Variants in SCN8A observed in about 807,000 individuals in gnomAD.
The protein encoded by SCN8A is sodium voltage-gated channel alpha subunit 8, also known as sodium channel protein type 8 subunit alpha.
Under a neutral mutation model 184.1 loss-of-function variants are expected in SCN8A, and 30 were observed. The observed-to-expected ratio is 0.16, with a 90% CI of 0.12 to 0.22. The LOEUF (loss-of-function observed/expected upper bound fraction) is 0.22. SCN8A is among the 10% of genes least tolerant of loss of function. The probability of loss-of-function intolerance (pLI) is 1.00; values close to 1 mark genes in which losing one functional copy is unlikely to be tolerated. For missense variants in SCN8A, 1,057 were observed against 2,498.9 expected (o/e 0.42, Z 12.30); for synonymous variants, 852 against 907.0 (o/e 0.94, Z 1.09).
intron 1 of SCN8A, among the ~76,000 whole-genome samples, chr12:51,618,458 AAC>A (rs56163627): frequency 0.057 from 7,845 of 138,650 alleles, 230 homozygotes; most frequent in South Asian, 0.099. Flanking sequence ...ATACCAGAGC[AAC>A]ACACACACAC....
Position 51,802,480 on chromosome 12 carries a change from G to T in SCN8A, c.4796-3802G>T, listed in dbSNP as rs80237495. On this transcript the variant is annotated intron_variant, in intron 26 of 26. Transcript: ENST00000627620. ...CCTCACTTTAACAATAGATACCTAG[G>T]GAGGCTACGCATGCACCTTTCCTTG... Among the ~76,000 whole-genome samples the T allele has an allele frequency of 5.9e-5, 9 of 152,276 alleles. No homozygotes were observed. The East Asian group carries it at 1.7e-3, about 29-fold the overall frequency.
intron 12 of SCN8A, among the ~76,000 whole-genome samples, chr12:51,735,009 A>G (rs559704640): frequency 6.6e-6 from 1 of 152,318 alleles, no homozygotes; most frequent in East Asian, 1.9e-4. Flanking sequence ...TCCAAAGGCA[A>G]GTTTGTAGAG....
intron 2 of SCN8A, among the ~76,000 whole-genome samples, chr12:51,682,420 C>T (rs1463344791): frequency 2.0e-5 from 3 of 152,038 alleles, no homozygotes; most frequent in East Asian, 1.9e-4. Context: ...TCAGCAAAAC[C>T]GTCTGGTCCT....
intron 11 of SCN8A, among the ~76,000 whole-genome samples, chr12:51,720,075 C>CAAAAA (rs397944526): frequency 2.3e-5 from 2 of 85,414 alleles, no homozygotes; most frequent in Non-Finnish European, 4.2e-5. Flanking sequence ...GACTCCGTCT[C>CAAAAA]AAAAAAAAAA....
intron 1 of SCN8A, among the ~76,000 whole-genome samples, chr12:51,621,446 A>G (rs1939960202): frequency 6.6e-6 from 1 of 152,220 alleles, no homozygotes; most frequent in Non-Finnish European, 1.5e-5. Flanking sequence ...GCATTTAGAA[A>G]TACAAAGTGC....
chr12:51,799,619 G>T (rs895857653), intron 26 of SCN8A, among the ~76,000 whole-genome samples: 1 of 152,188 alleles, frequency 6.6e-6, no homozygotes, highest in Non-Finnish European at 1.5e-5. Flanking sequence ...TAGCCCAAGT[G>T]GCAGAGCAGC....
intron 1 of SCN8A, among the ~76,000 whole-genome samples, chr12:51,600,606 G>A (rs1211042586): frequency 6.6e-6 from 1 of 152,090 alleles, no homozygotes; most frequent in African/African-American, 2.4e-5. Flanking sequence ...TGGCCAGAGG[G>A]CCCTAACGTA....
chr12:51,754,427 C>T (rs891359013), intron 14 of SCN8A, among the ~76,000 whole-genome samples: 1 of 151,580 alleles, frequency 6.6e-6, no homozygotes, highest in Non-Finnish European at 1.5e-5. Context: ...CCTACATAAC[C>T]ATAGTATAAC....
At chr12:51,789,455 C>T (rs1396552057) in intron 24 of SCN8A, 37 bp downstream of exon 24, 1 of 1,609,722 alleles carries the variant, frequency 6.2e-7, no homozygotes, top group Non-Finnish European at 8.5e-7. Context: ...GGTTGGAAGT[C>T]AGCCCAGATA....
intron 6 of SCN8A, among the ~76,000 whole-genome samples, chr12:51,693,438 A>G (rs547246002): frequency 1.5e-4 from 23 of 152,100 alleles, no homozygotes; most frequent in Admixed American, 3.3e-4. Context: ...GAGTCCCCCA[A>G]TCTCTTTCAA....
chr12:51,726,962 C>T (rs1484926815), intron 12 of SCN8A, among the ~76,000 whole-genome samples: 5 of 152,292 alleles, frequency 3.3e-5, no homozygotes, highest in Middle Eastern at 3.4e-3. Context: ...TATAAAATGC[C>T]ATAAGTTTTA....
intron 2 of SCN8A, among the ~76,000 whole-genome samples, chr12:51,678,278 G>A (rs1322762560): frequency 6.6e-6 from 1 of 152,174 alleles, no homozygotes. Context: ...CTGCCTTGGG[G>A]CTGCTCTATG....
chr12:51,619,853 G>A (rs1203812711), intron 1 of SCN8A, among the ~76,000 whole-genome samples: 1 of 152,138 alleles, frequency 6.6e-6, no homozygotes, highest in African/African-American at 2.4e-5. Flanking sequence ...TCAAATGTTG[G>A]TTGGATTAAA....
intron 2 of SCN8A, among the ~76,000 whole-genome samples, chr12:51,680,752 A>G (rs1050866865): frequency 3.3e-5 from 5 of 152,162 alleles, no homozygotes; most frequent in Non-Finnish European, 7.3e-5. Context: ...CTTTAATCCC[A>G]GCCCTTTGGG....
intron 12 of SCN8A, among the ~76,000 whole-genome samples, chr12:51,725,679 G>C (rs1351531592): frequency 6.6e-6 from 1 of 152,136 alleles, no homozygotes; most frequent in Non-Finnish European, 1.5e-5. Context: ...CCTTTAGAAA[G>C]TGGGAAAAAC....
At chr12:51,747,379 G>C (rs190101956) in intron 13 of SCN8A, among the ~76,000 whole-genome samples, 44 of 152,220 alleles carry the variant, frequency 2.9e-4, no homozygotes, top group African/African-American at 1.0e-3. Flanking sequence ...CTTTGAGATT[G>C]TGGGCAAATA....
chr12:51,696,810 G>C (rs1053606849), intron 6 of SCN8A, among the ~76,000 whole-genome samples: 1 of 151,712 alleles, frequency 6.6e-6, no homozygotes, highest in Admixed American at 6.6e-5. Context: ...GTGGGCGGAC[G>C]ACCTGAGGTC....
chr12:51,679,778 T>G (rs1310832745), intron 2 of SCN8A, among the ~76,000 whole-genome samples: 2 of 137,952 alleles, frequency 1.4e-5, no homozygotes, highest in Non-Finnish European at 3.0e-5. Flanking sequence ...CAGGCTGGAG[T>G]GCAGTGGTGC....
At chr12:51,793,794 G>A (rs528010744) in intron 25 of SCN8A, among the ~76,000 whole-genome samples, 4 of 152,062 alleles carry the variant, frequency 2.6e-5, no homozygotes, top group Admixed American at 6.5e-5. Context: ...CTATGATCGC[G>A]CCTATGCATA....
Sources: gnomAD v4.1 joint callset for allele counts (sites outside exome capture counted in the v4.1 genomes callset) on GRCh38, gnomAD v4.1.1 for gene constraint, MANE v1.5 for transcripts, NCBI Gene and HGNC (gene_info 2026-07-23, HGNC 2026-07-21) for gene names.